The following ACVR1 variants were observed in gnomAD, a reference collection of about 807,000 sequenced individuals.
ACVR1 encodes activin receptor type-1.
In ACVR1, 38 loss-of-function variants were observed where a neutral mutation model predicts 57.1. That is an observed-to-expected ratio of 0.67 (90% CI 0.51 to 0.87). The LOEUF is 0.87. Among genes scored for constraint, ACVR1 ranks in the 40% least tolerant of loss-of-function variants. The pLI is 0.00. For synonymous variants in ACVR1, 212 were observed against 228.1 expected (o/e 0.93, Z 0.63); for missense variants, 463 against 638.2 (o/e 0.73, Z 2.96).
intron 7 of ACVR1, 27 bp from the exon 8 acceptor site, chr2:157,766,223 A>C: frequency 6.2e-7 from 1 of 1,610,020 alleles, no homozygotes; most frequent in Non-Finnish European, 8.5e-7. Flanking sequence ...AAAAATTAAT[A>C]TACATGAGGA....
chr2:157,778,616 G>A (rs1686387610), intron 4 of ACVR1, among the ~76,000 whole-genome samples: 1 of 152,136 alleles, frequency 6.6e-6, no homozygotes, highest in Non-Finnish European at 1.5e-5. Context: ...ATAAAGTACT[G>A]TACAAATCTT....
rs1451541858 is a variant in ACVR1 at position 157,852,618 on chromosome 2, A to G, written c.-183+23178T>C. ...ATGTTGAAGACAGATCTTCAGACAT[A>G]AAAACAAAACTATGAAAAATATTAT... On this transcript the variant is annotated intron_variant, in intron 1 of 10. Coordinates refer to ENST00000434821, the MANE Select transcript of ACVR1 (RefSeq NM_001111067.4). Among the ~76,000 whole-genome samples, 6 of 152,222 alleles carry G rather than the reference A, an allele frequency of 3.9e-5. No homozygotes were observed. The South Asian group carries it at 8.3e-4, about 21-fold the overall frequency.
In ACVR1 at chr2:157,774,164, T is replaced by C; in HGVS notation, c.567A>G (p.Thr189=). ...TLADLLDHSC[T]SGSGSGLPFL... is the part of the protein sequence containing the mutation. ...AAGGAAGACCAGAGCCACTTCCTGA[T>C]GTACACGAATGATCCAATAAATCCT... The change falls in exon 6 of 11, where the codon ACA becomes ACG. Residue 189 remains threonine (T), a synonymous_variant. Transcript: ENST00000434821. The C allele has an allele frequency of 1.2e-6, 2 of 1,614,078 alleles. No homozygotes were observed. Among genetic ancestry groups the C allele is most frequent in the Admixed American group, 1.7e-5 (1 of 60,026 alleles).
chr2:157,799,987 G>A (rs554062741), intron 2 of ACVR1, among the ~76,000 whole-genome samples: 1 of 152,266 alleles, frequency 6.6e-6, no homozygotes, highest in African/African-American at 2.4e-5. Flanking sequence ...TGGAGGCAGA[G>A]CAACCTACAT....
chr2:157,772,787 A>G (rs1025044018), intron 6 of ACVR1, among the ~76,000 whole-genome samples: 2 of 152,198 alleles, frequency 1.3e-5, no homozygotes, highest in African/African-American at 4.8e-5. Context: ...GGGCTTTTCC[A>G]TCTTTATTTT....
intron 1 of ACVR1, among the ~76,000 whole-genome samples, chr2:157,843,837 C>T (rs961925317): frequency 2.0e-5 from 3 of 151,980 alleles, no homozygotes; most frequent in African/African-American, 4.8e-5. Flanking sequence ...CCTGAACATA[C>T]CAAAGGCTGA....
At chr2:157,832,213 C>G (rs1411009520) in intron 1 of ACVR1, among the ~76,000 whole-genome samples, 1 of 152,170 alleles carries the variant, frequency 6.6e-6, no homozygotes, top group African/African-American at 2.4e-5. Flanking sequence ...GCAGACACCA[C>G]CCCCCAATCA....
intron 2 of ACVR1, among the ~76,000 whole-genome samples, chr2:157,803,998 C>T (rs1687426068): frequency 6.6e-6 from 1 of 151,844 alleles, no homozygotes; most frequent in Non-Finnish European, 1.5e-5. Flanking sequence ...TTTAGAAAAT[C>T]TCTGTTCAAT....
chr2:157,739,386 C>CT (rs1391758532), intron 9 of ACVR1, among the ~76,000 whole-genome samples: 1 of 152,204 alleles, frequency 6.6e-6, no homozygotes, highest in East Asian at 1.9e-4. Flanking sequence ...GGCCTGGAAA[C>CT]TTTTTCTTTT....
intron 3 of ACVR1, among the ~76,000 whole-genome samples, chr2:157,793,247 G>A (rs1686987229): frequency 6.6e-6 from 1 of 152,050 alleles, no homozygotes; most frequent in Admixed American, 6.6e-5. Context: ...GAGCTTAGGT[G>A]TTGAATTTGT....
At chr2:157,835,694 C>G (rs770586259) in intron 1 of ACVR1, among the ~76,000 whole-genome samples, 1 of 152,176 alleles carries the variant, frequency 6.6e-6, no homozygotes, top group Non-Finnish European at 1.5e-5. Flanking sequence ...TAGCAATACT[C>G]ACAATGCACT....
intron 1 of ACVR1, among the ~76,000 whole-genome samples, chr2:157,847,742 A>G (rs1172293346): frequency 1.3e-5 from 2 of 152,226 alleles, no homozygotes; most frequent in East Asian, 1.9e-4. Context: ...ATACTATGGG[A>G]ACACAGAAGA....
At chr2:157,813,774 T>C (rs925300527) in intron 2 of ACVR1, among the ~76,000 whole-genome samples, 4 of 152,234 alleles carry the variant, frequency 2.6e-5, no homozygotes, top group Admixed American at 1.3e-4. Flanking sequence ...CTTTGAACCA[T>C]AGCATATTTC....
In ACVR1 at chr2:157,787,385, A is replaced by G. The variant is rs187471073; in HGVS notation, c.68-6785T>C. On this transcript the variant is annotated intron_variant, in intron 3 of 10. Transcript: ENST00000434821. ...TTGAATCTCTGCTTTGGAGAAACAA[A>G]GGATTACAAGGCCTACCGGGAACTG... Among the ~76,000 whole-genome samples the G allele has an allele frequency of 2.0e-5, 3 of 152,318 alleles. No homozygotes were observed. In the East Asian group the frequency reaches 5.8e-4, roughly 29 times the overall value.
intron 1 of ACVR1, among the ~76,000 whole-genome samples, chr2:157,857,145 C>A (rs1346488958): frequency 6.6e-6 from 1 of 152,080 alleles, no homozygotes; most frequent in Middle Eastern, 3.2e-3. Context: ...CTGCAGTGAG[C>A]CATGATTGTG....
intron 1 of ACVR1, among the ~76,000 whole-genome samples, chr2:157,852,839 A>G (rs1287909699): frequency 6.6e-6 from 1 of 152,192 alleles, no homozygotes; most frequent in Admixed American, 6.5e-5. Context: ...AACAGATTTA[A>G]CACTCAGGCA....
intron 9 of ACVR1, among the ~76,000 whole-genome samples, chr2:157,754,518 A>C (rs1216152298): frequency 6.6e-6 from 1 of 152,216 alleles, no homozygotes; most frequent in East Asian, 1.9e-4. Context: ...GGAGATAGAT[A>C]AATTCCTGGA....
At chr2:157,825,480 G>T (rs958556974) in intron 1 of ACVR1, among the ~76,000 whole-genome samples, 5 of 152,126 alleles carry the variant, frequency 3.3e-5, no homozygotes, top group East Asian at 1.9e-4. Flanking sequence ...CACAGCAGAG[G>T]TAAGGGGCTG....
intron 9 of ACVR1, among the ~76,000 whole-genome samples, chr2:157,758,204 C>T (rs1047768866): frequency 1.3e-4 from 19 of 151,928 alleles, no homozygotes; most frequent in Admixed American, 7.9e-4. Context: ...ATAAAACAGA[C>T]ATTAAGCCAA....
Sources: gnomAD v4.1 joint callset for allele counts (sites outside exome capture counted in the v4.1 genomes callset) on GRCh38, gnomAD v4.1.1 for gene constraint, MANE v1.5 for transcripts, NCBI Gene and HGNC (gene_info 2026-07-23, HGNC 2026-07-21) for gene names.